MARCHF1: variants seen among roughly 807,000 people sequenced by gnomAD.
MARCHF1 encodes membrane associated ring-CH-type finger 1.
A neutral mutation model predicts 54.2 loss-of-function variants in MARCHF1; 40 were observed. That is an observed-to-expected ratio of 0.74 (90% CI 0.57 to 0.96). The LOEUF (loss-of-function observed/expected upper bound fraction) is 0.96. Ranked by LOEUF, MARCHF1 falls within the 40% of genes least tolerant of loss-of-function variation. The probability of loss-of-function intolerance (pLI) is 0.00; values close to 1 mark genes in which losing one functional copy is unlikely to be tolerated. For synonymous variants in MARCHF1, 236 were observed against 236.3 expected, an observed-to-expected ratio of 1.00 and a Z score of 0.01; for missense variants, 586 against 656.5, an observed-to-expected ratio of 0.89 and a Z score of 1.17.
chr4:163,930,082 T>C (rs1751638318), intron 3 of MARCHF1, among the ~76,000 whole-genome samples: 1 of 146,444 alleles, frequency 6.8e-6, no homozygotes, highest in South Asian at 2.1e-4. Flanking sequence ...ATACCAGCCA[T>C]GAATTAATAG....
At chr4:164,256,369 A>G (rs4691965) in intron 1 of MARCHF1, among the ~76,000 whole-genome samples, 142,752 of 147,770 alleles carry the variant, frequency 0.97, 68,996 homozygotes, top group East Asian at 1. Context: ...TTATAGCCCT[A>G]AATGTATTTG....
chr4:164,203,311 AAG>A (rs760017096), intron 1 of MARCHF1, among the ~76,000 whole-genome samples: 1 of 151,714 alleles, frequency 6.6e-6, no homozygotes, highest in Non-Finnish European at 1.5e-5. Flanking sequence ...GTGTAGGAGA[AAG>A]AGAGAGAGAG....
rs1553971149 is a variant in MARCHF1, at chr4:164,027,392, A to AAAAAAGAAAAAAAAAAAAAAAAAAAAT, written c.-247-38684_-247-38683insATTTTTTTTTTTTTTTTTTTTCTTTTT. Among the ~76,000 whole-genome samples the AAAAAAGAAAAAAAAAAAAAAAAAAAAT allele has an allele frequency of 3.4e-5, 2 of 58,982 alleles. 1 individual carries two copies. Among genetic ancestry groups the AAAAAAGAAAAAAAAAAAAAAAAAAAAT allele is most frequent in the African/African-American group, 1.1e-4 (2 of 18,372 alleles). 38.7% of individuals were successfully genotyped at this position (58,982 alleles called of 152,430 possible). A position where few individuals can be genotyped will look rare whatever the true frequency, so the allele number is the denominator to read the frequency against. On this transcript the variant is annotated intron_variant, in intron 2 of 9. Coordinates refer to ENST00000514618, the MANE Select transcript of MARCHF1 (RefSeq NM_001394959.1). ...AAAAAAAAAAAAAAAAAAAAAAAAAAAGATACATAGATAAATGGATCTATA... is the reference window on the plus strand; with the variant it reads ...AAAAAAAAAAAAAAAAAAAAAAAAAAAAAAAGAAAAAAAAAAAAAAAAAAAATAGATACATAGATAAATGGATCTATA...
intron 1 of MARCHF1, among the ~76,000 whole-genome samples, chr4:164,368,184 C>T (rs765948255): frequency 8.7e-5 from 11 of 127,082 alleles, no homozygotes; most frequent in Non-Finnish European, 1.2e-4. Flanking sequence ...AAAAAATAGC[C>T]AAATCCTAGG....
intron 5 of MARCHF1, among the ~76,000 whole-genome samples, chr4:163,638,764 A>G (rs943861599): frequency 1.3e-5 from 2 of 152,172 alleles, no homozygotes; most frequent in Non-Finnish European, 2.9e-5. Context: ...AAAGCAACCC[A>G]TTGTCCATCG....
chr4:164,300,309 A>G (rs144231075), intron 1 of MARCHF1, among the ~76,000 whole-genome samples: 1 of 152,256 alleles, frequency 6.6e-6, no homozygotes, highest in African/African-American at 2.4e-5. Flanking sequence ...CGATTGGTAT[A>G]TACTTATGGG....
chr4:164,056,789 G>C (rs111700207), intron 2 of MARCHF1, among the ~76,000 whole-genome samples: 9 of 152,134 alleles, frequency 5.9e-5, no homozygotes, highest in African/African-American at 2.2e-4. Context: ...GTCTTAGCTA[G>C]TGAAGTCTAT....
At chr4:163,590,081 T>TGTGTGTGTGTGTGTGTGTGTGTGTGC (rs1418994546) in intron 7 of MARCHF1, among the ~76,000 whole-genome samples, 3 of 151,798 alleles carry the variant, frequency 2.0e-5, no homozygotes, top group African/African-American at 7.3e-5. Context: ...TGTGTGTGTG[T>TGTGTGTGTGTGTGTGTGTGTGTGTGC]GCTTCACATC....
At chr4:163,813,169 G>C (rs1748441385) in intron 4 of MARCHF1, among the ~76,000 whole-genome samples, 1 of 152,136 alleles carries the variant, frequency 6.6e-6, no homozygotes, top group Admixed American at 6.6e-5. Flanking sequence ...GACACTTCCA[G>C]TGGTTTTCTG....
chr4:163,897,497 G>T (rs539672978), intron 3 of MARCHF1, among the ~76,000 whole-genome samples: 1 of 152,014 alleles, frequency 6.6e-6, no homozygotes. Flanking sequence ...AACTAAAACA[G>T]CATGGTACAG....
chr4:164,256,437 A>C (rs1478288947), intron 1 of MARCHF1, among the ~76,000 whole-genome samples: 1 of 150,238 alleles, frequency 6.7e-6, no homozygotes, highest in African/African-American at 2.4e-5. Flanking sequence ...AAGCTTAAAA[A>C]AAAAAAAAAA....
chr4:164,030,130 AC>A (rs1753847470), intron 2 of MARCHF1, among the ~76,000 whole-genome samples: 2 of 152,140 alleles, frequency 1.3e-5, no homozygotes, highest in Non-Finnish European at 2.9e-5. Context: ...ATTTCTCAAT[AC>A]TTTAAATCAT....
At chr4:163,682,790 G>A (rs1445743659) in intron 5 of MARCHF1, among the ~76,000 whole-genome samples, 1 of 152,130 alleles carries the variant, frequency 6.6e-6, no homozygotes, top group Non-Finnish European at 1.5e-5. Flanking sequence ...AGAAGGACAT[G>A]TTTGCCTCCC....
At chr4:164,146,831 A>G (rs886413145) in intron 1 of MARCHF1, among the ~76,000 whole-genome samples, 4 of 152,038 alleles carry the variant, frequency 2.6e-5, no homozygotes, top group Admixed American at 1.3e-4. Context: ...ATGGGATCTA[A>G]TTAAACTAAA....
intron 4 of MARCHF1, among the ~76,000 whole-genome samples, chr4:163,759,965 A>T (rs1746784247): frequency 6.6e-6 from 1 of 152,200 alleles, no homozygotes; most frequent in African/African-American, 2.4e-5. Flanking sequence ...CTGTTAAAAA[A>T]TTTGCAAGTA....
At chr4:163,773,869 T>A (rs1747229986) in intron 4 of MARCHF1, among the ~76,000 whole-genome samples, 2 of 152,164 alleles carry the variant, frequency 1.3e-5, no homozygotes, top group Non-Finnish European at 2.9e-5. Flanking sequence ...TTCATAAACA[T>A]TTTTACAATA....
chr4:164,241,674 T>G (rs1011513828), intron 1 of MARCHF1, among the ~76,000 whole-genome samples: 4 of 152,030 alleles, frequency 2.6e-5, no homozygotes, highest in East Asian at 1.9e-4. Context: ...CAGCGTGAGC[T>G]ACGCAGAAGA....
intron 1 of MARCHF1, among the ~76,000 whole-genome samples, chr4:164,200,415 G>C (rs1006875952): frequency 2.0e-5 from 3 of 152,136 alleles, no homozygotes; most frequent in Non-Finnish European, 4.4e-5. Context: ...CTTAGAAGGT[G>C]ATTTACCATT....
At chr4:163,737,185 C>CG (rs1437899561) in intron 4 of MARCHF1, among the ~76,000 whole-genome samples, 2 of 101,750 alleles carry the variant, frequency 2.0e-5, no homozygotes, top group Admixed American at 9.6e-5. Flanking sequence ...TTTTTTTTCA[C>CG]ATATTAGTTT....
Sources: gnomAD v4.1 joint callset for allele counts (sites outside exome capture counted in the v4.1 genomes callset) on GRCh38, gnomAD v4.1.1 for gene constraint, MANE v1.5 for transcripts, NCBI Gene and HGNC (gene_info 2026-07-23, HGNC 2026-07-21) for gene names.